The following FSCN2 variants were observed in gnomAD, a reference collection of about 807,000 sequenced individuals.
FSCN2 encodes the protein fascin-2.
In FSCN2, 46 loss-of-function variants were observed where a neutral mutation model predicts 37.8. That is an observed-to-expected ratio of 1.22 (90% CI 0.96 to 1.56). The LOEUF (loss-of-function observed/expected upper bound fraction) is 1.56. FSCN2 is among the 40% of genes most tolerant of loss of function. FSCN2 has a pLI of 0.00. For synonymous variants in FSCN2, 351 were observed against 309.4 expected (o/e 1.13, Z -1.41); for missense variants, 844 against 730.4 (o/e 1.16, Z -1.79).
At chr17:81,531,825 GTGGTGGTGGTGA>G (rs2032640767) in intron 1 of FSCN2, among the ~76,000 whole-genome samples, 2 of 112,512 alleles carry the variant, frequency 1.8e-5, no homozygotes, top group African/African-American at 4.0e-5. Flanking sequence ...GGTGGTGATG[GTGGTGGTGGTGA>G]TGGTGGTGAT....
At chr17:81,524,893 T>TCACACACACACACA (rs138139508), upstream of FSCN2, among the ~76,000 whole-genome samples, 14,235 of 122,526 alleles carry the variant, frequency 0.12, 839 homozygotes, top group East Asian at 0.14. Context: ...ATGAGCACCT[T>TCACACACACACACA]CACACACACA....
chr17:81,526,059 C>T (rs1408844566), upstream of FSCN2, among the ~76,000 whole-genome samples: 1 of 152,224 alleles, frequency 6.6e-6, no homozygotes, highest in African/African-American at 2.4e-5. Context: ...CTGGCTCTGC[C>T]ACCAAGAGGC....
Position 81,528,647 on chromosome 17 carries a change from G to A in FSCN2, c.116G>A (p.Ser39Asn). Residue 39 changes from serine (S) to asparagine (N), a missense_variant, in exon 1 of 5, where the codon AGC becomes AAC. Transcript: ENST00000417245. ...TTCAAGGTCAATGCCTCGGCACCCA[G>A]CCTCAAGAGGAAGCAGACCTGGGTG... ...FGFKVNASAP[S>N]LKRKQTWVLE... 2 of 1,603,662 alleles carry A rather than the reference G, an allele frequency of 1.2e-6. No homozygotes were observed. The highest frequency in any genetic ancestry group is 8.5e-7 in the Non-Finnish European group (1 of 1,175,840).
At chr17:81,535,968 G>A (rs938325300) in intron 2 of FSCN2, among the ~76,000 whole-genome samples, 178 bp from the exon 3 acceptor site, 3 of 151,274 alleles carry the variant, frequency 2.0e-5, no homozygotes, top group South Asian at 2.1e-4. Context: ...GAGGATTGCC[G>A]TAGCAGCTCA....
intron 1 of FSCN2, among the ~76,000 whole-genome samples, chr17:81,531,564 A>ATGATGGTGATGGCGATGATGG (rs2032606490): frequency 1.2e-5 from 1 of 83,210 alleles, no homozygotes; most frequent in Non-Finnish European, 2.6e-5. Context: ...GATGATGGTG[A>ATGATGGTGATGGCGATGATGG]TGATAGTGAT....
chr17:81,533,504 G>A (rs370137585), intron 1 of FSCN2, among the ~76,000 whole-genome samples: 2 of 152,202 alleles, frequency 1.3e-5, no homozygotes, highest in African/African-American at 4.8e-5. Context: ...ACGCCCTCAC[G>A]GTAGTAATGT....
the FSCN2 span, among the ~76,000 whole-genome samples, chr17:81,518,025 G>A: frequency 6.6e-6 from 1 of 152,200 alleles, no homozygotes; most frequent in Admixed American, 6.5e-5. Context: ...CTCGGCTTCC[G>A]CAATGAATCC....
At chr17:81,515,858 T>C in the FSCN2 span, among the ~76,000 whole-genome samples, 5 of 152,406 alleles carry the variant, frequency 3.3e-5, no homozygotes, top group East Asian at 3.9e-4. Context: ...TTTATTTTAT[T>C]GTATTTTTGA....
At position 81,529,114 on chromosome 17, in the gene FSCN2, C is replaced by T. The variant is rs782678352; in HGVS notation, c.583C>T (p.Arg195Cys). The T allele has an allele frequency of 4.6e-5, 73 of 1,584,516 alleles. No homozygotes were observed. Among genetic ancestry groups the T allele is most frequent in the Middle Eastern group, 3.3e-4 (2 of 6,060 alleles). ...CLKSCDSRYL[R>C]SDGRLVWEPE... Reference sequence around the variant, plus strand: ...CAAGTCCTGTGACAGCCGCTACCTGCGCAGCGACGGCCGTCTGGTCTGGGA... The same window carrying T: ...CAAGTCCTGTGACAGCCGCTACCTGTGCAGCGACGGCCGTCTGGTCTGGGA... The change falls in exon 1 of 5, where the codon CGC becomes TGC. Residue 195 changes from arginine (R) to cysteine (C), a missense_variant. Arg to Cys is a radical substitution (Grantham distance 180). Coordinates refer to ENST00000417245, the MANE Select transcript of FSCN2 (RefSeq NM_012418.4).
At chr17:81,520,844 T>G in the FSCN2 span, among the ~76,000 whole-genome samples, 1 of 152,268 alleles carries the variant, frequency 6.6e-6, no homozygotes, top group Non-Finnish European at 1.5e-5. Flanking sequence ...TCTTGCTAAT[T>G]TGCTTGTATT....
At chr17:81,518,508 C>T in the FSCN2 span, among the ~76,000 whole-genome samples, 1 of 152,110 alleles carries the variant, frequency 6.6e-6, no homozygotes, top group Admixed American at 6.5e-5. Flanking sequence ...TAGGCCGATT[C>T]GCAGCTGCCT....
chr17:81,516,841 T>C, the FSCN2 span, among the ~76,000 whole-genome samples: 1 of 152,096 alleles, frequency 6.6e-6, no homozygotes, highest in South Asian at 2.1e-4. Flanking sequence ...ACCAGGTCTC[T>C]GCATGTGTTG....
intron 1 of FSCN2, among the ~76,000 whole-genome samples, chr17:81,532,402 T>TGGTG (rs2032708346): frequency 2.0e-5 from 3 of 146,972 alleles, no homozygotes; most frequent in Admixed American, 6.7e-5. Flanking sequence ...ATGGTGATGA[T>TGGTG]AGTGATGGTG....
At chr17:81,519,476 A>G in the FSCN2 span, among the ~76,000 whole-genome samples, 3 of 152,044 alleles carry the variant, frequency 2.0e-5, no homozygotes, top group African/African-American at 4.8e-5. Context: ...GGGTCCCGCG[A>G]GAAGGCCGGG....
upstream of FSCN2, among the ~76,000 whole-genome samples, chr17:81,526,886 G>A (rs571225352): frequency 6.6e-6 from 1 of 152,308 alleles, no homozygotes; most frequent in South Asian, 2.1e-4. Flanking sequence ...GTGAATCATA[G>A]AGGCGGATGA....
At chr17:81,519,309 C>T in the FSCN2 span, among the ~76,000 whole-genome samples, 1 of 152,104 alleles carries the variant, frequency 6.6e-6, no homozygotes, top group Non-Finnish European at 1.5e-5. Flanking sequence ...GCCTCAGCTC[C>T]GCGCACTCCC....
At position 81,528,962 on chromosome 17, in the gene FSCN2, T is replaced by G. The variant is rs782739923; in HGVS notation, c.431T>G (p.Leu144Arg). The G allele has an allele frequency of 1.4e-5, 22 of 1,589,314 alleles. No individual in the cohort carries two copies. The highest frequency in any genetic ancestry group is 1.6e-5 in the Non-Finnish European group (19 of 1,172,250). The stretch of plus-strand genomic sequence containing the variant: ...GCCATCCACCCGCAGGCCCACCTGC[T>G]GAGCGTGAGCCGGCGGCGCTACGTG... ...HLAIHPQAHL[L>R]SVSRRRYVHL... The change falls in exon 1 of 5, where the codon CTG becomes CGG. Residue 144 changes from leucine to arginine, a missense_variant. By Grantham distance (102) the Leu-to-Arg change is moderately radical. Transcript: ENST00000417245.
In FSCN2 at chr17:81,528,599, A is replaced by G. The variant is rs1485572898; in HGVS notation, c.68A>G (p.Tyr23Cys). The stretch of plus-strand genomic sequence containing the variant: ...GGCCTCGTCAACGACACTGACCGCT[A>G]CCTGACAGCTGAGAGCTTCGGCTTC... ...QFGLVNDTDR[Y>C]LTAESFGFKV... The change falls in exon 1 of 5, where the codon TAC (tyrosine) becomes TGC (cysteine). Residue 23 changes from tyrosine to cysteine, a missense_variant. Tyr to Cys is a radical substitution (Grantham distance 194). Coordinates refer to ENST00000417245, the MANE Select transcript of FSCN2 (RefSeq NM_012418.4). 14 of 1,608,874 alleles carry G rather than the reference A, an allele frequency of 8.7e-6. No homozygotes were observed. Among genetic ancestry groups the G allele is most frequent in the Non-Finnish European group, 1.2e-5 (14 of 1,178,192 alleles).
In FSCN2 at chr17:81,528,895, G is replaced by T; in HGVS notation, c.364G>T (p.Ala122Ser). 2 of 1,579,572 alleles carry T rather than the reference G, an allele frequency of 1.3e-6. No homozygotes were observed. The highest frequency in any genetic ancestry group is 1.2e-5 in the South Asian group (1 of 86,908). The change falls in exon 1 of 5, where the codon GCC (alanine) becomes TCC (serine). Residue 122 changes from alanine (A) to serine (S), a missense_variant. Ala to Ser is a moderately conservative substitution (Grantham distance 99). Transcript: ENST00000417245. ...CACCGAGGACCAGCTGTCCTGCTTC[G>T]CCACAGCCGTTTCCCCGGCCGAGCT... ...GGTEDQLSCF[A>S]TAVSPAELWT...
Sources: allele counts gnomAD v4.1 joint callset (sites outside exome capture counted in the v4.1 genomes callset), GRCh38; gene constraint gnomAD v4.1.1; transcripts MANE v1.5; gene names NCBI Gene and HGNC (gene_info 2026-07-23, HGNC 2026-07-21).